Variants in HPSE2 observed in about 807,000 individuals in gnomAD.
HPSE2 encodes heparanase 2 (inactive), also known as inactive heparanase-2.
HPSE2 carries 38 observed loss-of-function variants against 60.5 expected under a neutral mutation model. That is an observed-to-expected ratio of 0.63 (90% CI 0.48 to 0.82). HPSE2 has a LOEUF of 0.82. Among genes scored for constraint, HPSE2 ranks in the 40% least tolerant of loss-of-function variants. The pLI, the probability that HPSE2 is intolerant of heterozygous loss-of-function variation, is 0.00. For missense variants in HPSE2, 713 were observed against 740.4 expected (o/e 0.96, Z 0.43); for synonymous variants, 295 against 293.2 (o/e 1.01, Z -0.06).
Position 98,997,527 on chromosome 10 carries a change from C to T in HPSE2, c.610+146711G>A, listed in dbSNP as rs113584893. ...CTAACTGGATTATATACATTTATTC[C>T]GTTCAAAATAGCAACTTATCGTAAA... On this transcript the variant is annotated intron_variant, in intron 3 of 11. Transcript: ENST00000370552. Among the ~76,000 whole-genome samples, 342 of 152,236 alleles carry T rather than the reference C, an allele frequency of 2.2e-3. 1 individual carries two copies. Among genetic ancestry groups the T allele is most frequent in the African/African-American group, 8.0e-3 (334 of 41,540 alleles).
intron 3 of HPSE2, among the ~76,000 whole-genome samples, chr10:98,788,908 C>T (rs541121782): frequency 2.0e-5 from 3 of 152,210 alleles, no homozygotes; most frequent in Admixed American, 6.5e-5. Context: ...CCGTCTTCTG[C>T]GTCGCTCACG....
chr10:99,001,215 T>G (rs1421448616), intron 3 of HPSE2, among the ~76,000 whole-genome samples: 1 of 152,086 alleles, frequency 6.6e-6, no homozygotes, highest in African/African-American at 2.4e-5. Flanking sequence ...ATCCAGATGT[T>G]TACACTTATT....
chr10:98,879,262 C>T (rs942738843), intron 3 of HPSE2, among the ~76,000 whole-genome samples: 2 of 151,960 alleles, frequency 1.3e-5, no homozygotes, highest in Non-Finnish European at 2.9e-5. Context: ...TGTAAGTATA[C>T]TATTTATTTC....
intron 3 of HPSE2, among the ~76,000 whole-genome samples, chr10:99,020,957 C>T (rs568052297): frequency 2.6e-5 from 4 of 152,224 alleles, no homozygotes; most frequent in African/African-American, 4.8e-5. Context: ...TTATTGGTTA[C>T]GAGAGTAGAG....
intron 9 of HPSE2, among the ~76,000 whole-genome samples, chr10:98,549,922 T>C (rs1943810019): frequency 6.6e-6 from 1 of 152,174 alleles, no homozygotes; most frequent in South Asian, 2.1e-4. Context: ...GGTTCAGCTC[T>C]ATATGTGACT....
chr10:99,285,146 A>G, the HPSE2 span, among the ~76,000 whole-genome samples: 1 of 151,966 alleles, frequency 6.6e-6, no homozygotes, highest in African/African-American at 2.4e-5. Flanking sequence ...TAAATGGACA[A>G]TGGGCTGAGG....
At chr10:99,253,712 A>G in the HPSE2 span, among the ~76,000 whole-genome samples, 4 of 152,186 alleles carry the variant, frequency 2.6e-5, no homozygotes, top group Non-Finnish European at 5.9e-5. Flanking sequence ...TACTCACCCA[A>G]CAAAGGCTTA....
intron 2 of HPSE2, among the ~76,000 whole-genome samples, chr10:99,182,759 A>G (rs1181737105): frequency 6.6e-6 from 1 of 152,120 alleles, no homozygotes; most frequent in Non-Finnish European, 1.5e-5. Context: ...GCACTTTGGG[A>G]GGCTGAGGGG....
intron 2 of HPSE2, among the ~76,000 whole-genome samples, chr10:99,191,248 G>T (rs1848211818): frequency 6.6e-6 from 1 of 152,000 alleles, no homozygotes; most frequent in Non-Finnish European, 1.5e-5. Context: ...CTTCACCACT[G>T]CTGACTGTAG....
chr10:98,748,346 C>A (rs1199757016), intron 3 of HPSE2, among the ~76,000 whole-genome samples: 1 of 152,100 alleles, frequency 6.6e-6, no homozygotes, highest in African/African-American at 2.4e-5. Context: ...ATATGTTCTA[C>A]AGTTTATTAG....
the HPSE2 span, among the ~76,000 whole-genome samples, chr10:99,247,897 T>C: frequency 1.3e-5 from 2 of 152,204 alleles, no homozygotes; most frequent in African/African-American, 4.8e-5. Context: ...TATCCCAGGC[T>C]CCAGCCATGT....
At chr10:99,013,192 G>T (rs1957057529) in intron 3 of HPSE2, 1 of 669,862 alleles carries the variant, frequency 1.5e-6, no homozygotes, top group Non-Finnish European at 2.8e-6. Flanking sequence ...TGCCACTGGT[G>T]ATCTTTAATA....
intron 7 of HPSE2, among the ~76,000 whole-genome samples, chr10:98,638,884 A>G (rs377366754): frequency 7.2e-5 from 11 of 152,342 alleles, no homozygotes; most frequent in African/African-American, 2.2e-4. Context: ...CAGGGGAAAA[A>G]AACAGGGAAA....
chr10:98,889,090 A>T (rs1953255808), intron 3 of HPSE2, among the ~76,000 whole-genome samples: 1 of 152,182 alleles, frequency 6.6e-6, no homozygotes, highest in South Asian at 2.1e-4. Flanking sequence ...TTTTAAAACA[A>T]CATAGATTTT....
At chr10:99,117,417 G>GAAAAAAAAAA (rs1157232317) in intron 3 of HPSE2, among the ~76,000 whole-genome samples, 6 of 24,816 alleles carry the variant, frequency 2.4e-4, no homozygotes, top group Non-Finnish European at 2.9e-4. Flanking sequence ...TTGTTTTTTT[G>GAAAAAAAAAA]AAAAAAAAAA....
At chr10:98,623,520 C>T (rs535069481) in intron 7 of HPSE2, among the ~76,000 whole-genome samples, 122 of 152,080 alleles carry the variant, frequency 8.0e-4, no homozygotes, top group African/African-American at 1.5e-3. Flanking sequence ...TAAATAAATA[C>T]GTGTAAAAGA....
rs570305369 is a variant in HPSE2 at position 98,923,889 on chromosome 10, C to T, written c.611-179833G>A. ...TGAAACGTCATATATATCTATCTCTCTGGGATTGATCCCTGGTACCTCATT... is the reference window on the plus strand; with the variant it reads ...TGAAACGTCATATATATCTATCTCTTTGGGATTGATCCCTGGTACCTCATT... On this transcript the variant is annotated intron_variant, in intron 3 of 11. Transcript: ENST00000370552. 2.8e-4 allele frequency among the ~76,000 whole-genome samples: 43 copies of T among 152,242 alleles called. No individual in the cohort carries two copies. The South Asian group carries it at 8.1e-3, about 29-fold the overall frequency.
intron 8 of HPSE2, 119 bp from the exon 9 acceptor site, chr10:98,615,137 A>G (rs934911871): frequency 4.1e-6 from 3 of 725,818 alleles, no homozygotes; most frequent in African/African-American, 3.5e-5. Flanking sequence ...AAATTTACCT[A>G]GTACTTTAAA....
chr10:98,804,053 G>T (rs184196590), intron 3 of HPSE2, among the ~76,000 whole-genome samples: 1 of 152,034 alleles, frequency 6.6e-6, no homozygotes, highest in Admixed American at 6.6e-5. Flanking sequence ...TTGTAAGTTG[G>T]ATTCCTAGGT....
Sources: allele counts gnomAD v4.1 joint callset (sites outside exome capture counted in the v4.1 genomes callset), GRCh38; gene constraint gnomAD v4.1.1; transcripts MANE v1.5; gene names NCBI Gene and HGNC (gene_info 2026-07-23, HGNC 2026-07-21).